Variants in STMN4 observed in about 807,000 individuals in gnomAD.
STMN4 encodes the protein stathmin 4.
In STMN4, 12 loss-of-function variants were observed where a neutral mutation model predicts 29.1. The observed-to-expected ratio is 0.41, with a 90% CI of 0.26 to 0.67. STMN4 has a LOEUF of 0.67. Among genes scored for constraint, STMN4 ranks in the 30% least tolerant of loss-of-function variants. The probability of loss-of-function intolerance (pLI) is 0.30; values close to 1 mark genes in which losing one functional copy is unlikely to be tolerated. For synonymous variants in STMN4, 114 were observed against 105.3 expected (o/e 1.08, Z -0.51); for missense variants, 181 against 262.8 (o/e 0.69, Z 2.15).
At chr8:27,244,691 T>G (rs1455826414) in intron 1 of STMN4, among the ~76,000 whole-genome samples, 1 of 151,728 alleles carries the variant, frequency 6.6e-6, no homozygotes, top group African/African-American at 2.4e-5. Context: ...AGAACGCCAC[T>G]CAGTGTCCGT....
intron 6 of STMN4, among the ~76,000 whole-genome samples, chr8:27,237,947 T>G (rs182895003): frequency 6.6e-5 from 10 of 152,302 alleles, no homozygotes; most frequent in African/African-American, 2.4e-4. Flanking sequence ...ACCAATGTTG[T>G]CCCTCCCAGA....
At chr8:27,252,919 C>T (rs1801833914) in intron 1 of STMN4, among the ~76,000 whole-genome samples, 1 of 152,212 alleles carries the variant, frequency 6.6e-6, no homozygotes. Flanking sequence ...TATATCTATC[C>T]TTCAGCTCAG....
At chr8:27,249,914 C>A (rs570428509) in intron 1 of STMN4, among the ~76,000 whole-genome samples, 1 of 152,314 alleles carries the variant, frequency 6.6e-6, no homozygotes, top group Admixed American at 6.5e-5. Flanking sequence ...GTGTCAAATT[C>A]CATCTGGACT....
At chr8:27,255,221 T>C (rs1456880055) in intron 1 of STMN4, among the ~76,000 whole-genome samples, 1 of 151,944 alleles carries the variant, frequency 6.6e-6, no homozygotes, top group African/African-American at 2.4e-5. Context: ...TGTATGTTTA[T>C]TTCTCAAGCT....
intron 1 of STMN4, among the ~76,000 whole-genome samples, chr8:27,254,196 T>G (rs1327666099): frequency 6.6e-6 from 1 of 152,192 alleles, no homozygotes; most frequent in Non-Finnish European, 1.5e-5. Context: ...ACACAGAGTC[T>G]GCCTGAAAGG....
chr8:27,239,888 A>G (rs1801414737), intron 6 of STMN4, 83 bp downstream of exon 6: 15 of 1,606,616 alleles, frequency 9.3e-6, no homozygotes, highest in Non-Finnish European at 1.3e-5. Context: ...CCTCCCTGAG[A>G]TGATCAGCAG....
intron 1 of STMN4, among the ~76,000 whole-genome samples, 165 bp from the exon 2 acceptor site, chr8:27,243,966 C>A (rs1305617547): frequency 6.6e-6 from 1 of 152,192 alleles, no homozygotes; most frequent in Non-Finnish European, 1.5e-5. Flanking sequence ...ACCCCGACCT[C>A]CCTCCCACAA....
rs2130031045 is a variant in STMN4 at position 27,236,793 on chromosome 8, T to C, written c.*53A>G. On this transcript the variant is annotated 3_prime_UTR_variant, in exon 7 of 7. Transcript: ENST00000350889. ...CCGGCGGGCGAGGCTGCCTGGAACG[T>C]GGAGCTGCTGGAGCTGTCCGGCTGA... 2 of 1,500,886 alleles carry C rather than the reference T, an allele frequency of 1.3e-6. No homozygotes were observed. Among genetic ancestry groups the C allele is most frequent in the Non-Finnish European group, 1.8e-6 (2 of 1,122,224 alleles). 93.0% of individuals were successfully genotyped at this position (1,500,886 alleles called of 1,614,324 possible). A position where few individuals can be genotyped will look rare whatever the true frequency, so the allele number is the denominator to read the frequency against.
intron 2 of STMN4, among the ~76,000 whole-genome samples, chr8:27,243,360 ACTATACCTGG>A (rs1563415484): frequency 6.6e-6 from 1 of 152,206 alleles, no homozygotes; most frequent in African/African-American, 2.4e-5. Flanking sequence ...GGCATATGCC[ACTATACCTGG>A]CTTCCTTTTA....
chr8:27,249,102 A>G (rs766812269), intron 1 of STMN4, among the ~76,000 whole-genome samples: 5 of 152,022 alleles, frequency 3.3e-5, no homozygotes, highest in Admixed American at 6.5e-5. Flanking sequence ...AACCCCCCCC[A>G]AGCACAGAGC....
chr8:27,255,051 A>G (rs570784927), intron 1 of STMN4, among the ~76,000 whole-genome samples: 3 of 151,848 alleles, frequency 2.0e-5, no homozygotes, highest in Non-Finnish European at 4.4e-5. Context: ...GGGACTAGAG[A>G]TGTAAAACTC....
chr8:27,239,841 C>G, intron 6 of STMN4, 130 bp downstream of exon 6: 1 of 1,556,130 alleles, frequency 6.4e-7, no homozygotes, highest in Non-Finnish European at 8.7e-7. Flanking sequence ...AAGATCCTGC[C>G]TAAGAAAAAG....
intron 6 of STMN4, among the ~76,000 whole-genome samples, chr8:27,238,440 C>A (rs1460760321): frequency 6.6e-6 from 1 of 152,248 alleles, no homozygotes; most frequent in Non-Finnish European, 1.5e-5. Context: ...TGACCTCACA[C>A]CTCTTTGAGT....
intron 1 of STMN4, among the ~76,000 whole-genome samples, chr8:27,254,537 T>C (rs1238323243): frequency 2.0e-5 from 3 of 152,130 alleles, no homozygotes; most frequent in African/African-American, 7.2e-5. Context: ...CTCTCAGTTT[T>C]AATTGATGGA....
In STMN4 at chr8:27,240,067, G is replaced by A. The variant is rs770855433; in HGVS notation, c.495C>T (p.Ile165=). 6.2e-7 allele frequency: 1 copy of A among 1,614,196 alleles called. No homozygotes were observed. The highest frequency in any genetic ancestry group is 8.5e-7 in the Non-Finnish European group (1 of 1,180,032). ...QKAIEENNNF[I]KMAKEKLAQK... is the part of the protein sequence containing the mutation. ...GGGCCAGTTTTTCCTTAGCCATCTT[G>A]ATGAAGTTGTTGTTTTCCTCAATGG... The change falls in exon 6 of 7, where the codon ATC becomes ATT. Residue 165 remains isoleucine (I), a synonymous_variant. Transcript: ENST00000350889.
rs537616196 is a variant in STMN4, at chr8:27,242,248, C to CG, written c.109+148dup. The CG allele has an allele frequency of 5.2e-4, 416 of 800,004 alleles. 1 individual carries two copies. The African/African-American group carries it at 6.5e-3, about 13-fold the overall frequency. 49.6% of individuals were successfully genotyped at this position (800,004 alleles called of 1,614,324 possible). A position where few individuals can be genotyped will look rare whatever the true frequency, so the allele number is the denominator to read the frequency against. On this transcript the variant is annotated intron_variant, in intron 3 of 6. Coordinates refer to ENST00000350889, the MANE Select transcript of STMN4 (RefSeq NM_030795.4). ...GCTGGACCACTGCAGCTCAGACCCTCGGGCTCACCCGCTGTGATTTCATCG... is the reference window on the plus strand; with the variant it reads ...GCTGGACCACTGCAGCTCAGACCCTCGGGGCTCACCCGCTGTGATTTCATCG...
intron 1 of STMN4, among the ~76,000 whole-genome samples, chr8:27,252,281 G>T (rs1801812733): frequency 6.6e-6 from 1 of 152,164 alleles, no homozygotes; most frequent in South Asian, 2.1e-4. Flanking sequence ...ACGTGTCCAT[G>T]TGTCTTTATA....
intron 2 of STMN4, 66 bp from the exon 3 acceptor site, chr8:27,242,558 G>C (rs746910688): frequency 5.3e-5 from 81 of 1,532,858 alleles, no homozygotes; most frequent in African/African-American, 1.4e-4. Flanking sequence ...CGTCCTCACG[G>C]GTCTGGGGCT....
intron 4 of STMN4, 76 bp from the exon 5 acceptor site, chr8:27,241,338 A>T: frequency 6.3e-7 from 1 of 1,574,912 alleles, no homozygotes; most frequent in Non-Finnish European, 8.7e-7. Context: ...GCGCATGCAC[A>T]CGGGAGTGGG....
Sources: gnomAD v4.1 joint callset for allele counts (sites outside exome capture counted in the v4.1 genomes callset) on GRCh38, gnomAD v4.1.1 for gene constraint, MANE v1.5 for transcripts, NCBI Gene and HGNC (gene_info 2026-07-23, HGNC 2026-07-21) for gene names.